The following FMO2 variants were observed in gnomAD, a reference collection of about 807,000 sequenced individuals.
The protein encoded by FMO2 is flavin containing dimethylaniline monoxygenase 2.
In FMO2, 33 loss-of-function variants were observed where a neutral mutation model predicts 41.6. The ratio of observed to expected loss-of-function variants is 0.79; its 90% CI spans 0.60 to 1.06. FMO2 has a LOEUF of 1.06. Ranked by LOEUF, FMO2 falls within the 50% of genes least tolerant of loss-of-function variation. FMO2 has a pLI of 0.00. For synonymous variants in FMO2, 214 were observed against 219.6 expected, an observed-to-expected ratio of 0.97 and a Z score of 0.23; for missense variants, 619 against 632.9, an observed-to-expected ratio of 0.98 and a Z score of 0.23.
At position 171,209,207 on chromosome 1, in the gene FMO2, A is replaced by T; in HGVS notation, c.*62A>T. On this transcript the variant is annotated 3_prime_UTR_variant, in exon 9 of 9. Transcript: ENST00000209929. ...CACTACCTCCTAAAGAAAAAAAAAA[A>T]GGCTAGAAGAAAAAACATTACATTC... 1 of 420,342 alleles carries T rather than the reference A, an allele frequency of 2.4e-6. No homozygotes were observed. Among genetic ancestry groups the T allele is most frequent in the East Asian group, 3.5e-5 (1 of 28,908 alleles). 26.0% of individuals were successfully genotyped at this position (420,342 alleles called of 1,614,324 possible).
chr1:171,188,678 A>G (rs1222259816), intron 2 of FMO2, among the ~76,000 whole-genome samples: 1 of 152,182 alleles, frequency 6.6e-6, no homozygotes, highest in East Asian at 1.9e-4. Flanking sequence ...TCTACCATCC[A>G]GAAGCAATTT....
intron 2 of FMO2, among the ~76,000 whole-genome samples, chr1:171,191,785 G>T (rs1168461763): frequency 1.3e-5 from 2 of 150,914 alleles, no homozygotes; most frequent in Non-Finnish European, 2.9e-5. Flanking sequence ...GCACTTTAGG[G>T]TGTTGAGGTG....
rs1659020737 is a variant in FMO2 at position 171,212,489 on chromosome 1, G to A, written c.*3344G>A. Among the ~76,000 whole-genome samples, 1 of 152,070 alleles carries A rather than the reference G, an allele frequency of 6.6e-6. No homozygotes were observed. Among genetic ancestry groups the A allele is most frequent in the Admixed American group, 6.5e-5 (1 of 15,268 alleles). ...TTTTCCAAAATCTCTCCTTGTGATG[G>A]CTCCCTTTACTAACCTTTCTTTTAG... On this transcript the variant is annotated 3_prime_UTR_variant, in exon 9 of 9. Transcript: ENST00000209929.
At chr1:171,205,140 C>G in intron 6 of FMO2, 139 bp from the exon 7 acceptor site, 2 of 566,768 alleles carry the variant, frequency 3.5e-6, no homozygotes, top group South Asian at 2.7e-5. Flanking sequence ...AGGATTTGCA[C>G]AGACAACCAG....
At chr1:171,187,989 A>G (rs1459764083) in intron 2 of FMO2, among the ~76,000 whole-genome samples, 1 of 132,152 alleles carries the variant, frequency 7.6e-6, no homozygotes, top group Admixed American at 7.7e-5. Context: ...AACCAAAGAT[A>G]TTTTTGTCCA....
At chr1:171,200,608 T>C (rs1172726971) in intron 5 of FMO2, among the ~76,000 whole-genome samples, 2 of 152,150 alleles carry the variant, frequency 1.3e-5, no homozygotes, top group African/African-American at 4.8e-5. Flanking sequence ...AGCAGGTTAA[T>C]GAAGGGGTTA....
intron 2 of FMO2, among the ~76,000 whole-genome samples, chr1:171,188,061 A>G (rs1301436189): frequency 2.0e-4 from 23 of 113,610 alleles, no homozygotes; most frequent in Non-Finnish European, 3.5e-5. Context: ...TTTTGCTCCC[A>G]GGTAGATTCT....
chr1:171,204,066 TAG>T lies in FMO2; in HGVS notation c.827+5_827+6del. 3 of 1,611,846 alleles carry T rather than the reference TAG, an allele frequency of 1.9e-6. No individual in the cohort carries two copies. Among genetic ancestry groups the T allele is most frequent in the Non-Finnish European group, 2.5e-6 (3 of 1,178,216 alleles). ...TTATGGCCTTGAGCCTCAAAACAAG[TAG>T]AGTTATTTTGCTTTTTTAATGGTAT... On this transcript the variant is annotated splice_donor_region_variant and intron_variant, in intron 6 of 8. Transcript: ENST00000209929.
In FMO2 at chr1:171,196,678, AG is replaced by A. The variant is rs771406074; in HGVS notation, c.352del (p.Asp118IlefsTer40). On this transcript the variant is annotated frameshift_variant, in exon 4 of 9. Coordinates refer to ENST00000209929, the MANE Select transcript of FMO2 (RefSeq NM_001460.5). LOFTEE classifies it high-confidence loss of function. Reference protein sequence around the residue: ...TTVLSVRKCPDFSSSGQWKVV... With the variant: ...TTVLSVRKCPXFSSSGQWKVV... ...CTGTCCTTAGTGTGAGAAAATGTCCAGATTTCTCATCCTCTGGCCAATGGAA... is the reference window on the plus strand; with the variant it reads ...CTGTCCTTAGTGTGAGAAAATGTCCAATTTCTCATCCTCTGGCCAATGGAA... 1.6e-5 allele frequency: 26 copies of A among 1,613,202 alleles called. No homozygotes were observed. Among genetic ancestry groups the A allele is most frequent in the Middle Eastern group, 1.8e-4 (1 of 5,610 alleles).
chr1:171,189,202 T>C (rs1278354551), intron 2 of FMO2, among the ~76,000 whole-genome samples: 2 of 139,606 alleles, frequency 1.4e-5, no homozygotes, highest in East Asian at 4.7e-4. Context: ...ACGTGGGAGT[T>C]ACCATGTACA....
At chr1:171,192,575 C>T (rs965555509) in intron 2 of FMO2, among the ~76,000 whole-genome samples, 1 of 151,846 alleles carries the variant, frequency 6.6e-6, no homozygotes, top group Admixed American at 6.6e-5. Context: ...TTCTGGTTAA[C>T]ACAGTGAAAC....
chr1:171,187,422 T>A (rs1391055412), intron 2 of FMO2, among the ~76,000 whole-genome samples: 1 of 152,116 alleles, frequency 6.6e-6, no homozygotes, highest in Admixed American at 6.5e-5. Context: ...TCAGTTCAAA[T>A]TGAATCTCAT....
intron 8 of FMO2, among the ~76,000 whole-genome samples, chr1:171,208,448 C>A (rs1417791674): frequency 6.6e-6 from 1 of 152,154 alleles, no homozygotes; most frequent in African/African-American, 2.4e-5. Context: ...AGCAAGACAC[C>A]AAGCTATGCT....
intron 4 of FMO2, among the ~76,000 whole-genome samples, chr1:171,198,032 G>A (rs1413987958): frequency 6.6e-6 from 1 of 152,210 alleles, no homozygotes; most frequent in Non-Finnish European, 1.5e-5. Flanking sequence ...TCTGGCATGA[G>A]GCTGAGAATT....
rs554189594 is a variant in FMO2, at chr1:171,205,222, G to T, written c.828-57G>T. The T allele has an allele frequency of 4.6e-6, 5 of 1,085,744 alleles. No homozygotes were observed. The East Asian group carries it at 7.3e-5, about 16-fold the overall frequency. 67.3% of individuals were successfully genotyped at this position (1,085,744 alleles called of 1,614,324 possible). ...AGCCGTACCCCAAAAATATCAAGAGGGTTCAAGATTCCTCAGCAAATGATC... is the reference window on the plus strand; with the variant it reads ...AGCCGTACCCCAAAAATATCAAGAGTGTTCAAGATTCCTCAGCAAATGATC... On this transcript the variant is annotated intron_variant, in intron 6 of 8. Coordinates refer to ENST00000209929, the MANE Select transcript of FMO2 (RefSeq NM_001460.5).
chr1:171,206,390 T>A (rs1557984354), intron 7 of FMO2, among the ~76,000 whole-genome samples: 1 of 152,098 alleles, frequency 6.6e-6, no homozygotes, highest in African/African-American at 2.4e-5. Context: ...AACAAAAGCA[T>A]AGAGTCAATG....
chr1:171,185,490 G>T, intron 1 of FMO2, 131 bp downstream of exon 1: 4 of 436,274 alleles, frequency 9.2e-6, no homozygotes, highest in East Asian at 3.8e-5. Flanking sequence ...AAATATTAAA[G>T]CTAGATGTAA....
Position 171,196,858 on chromosome 1 carries a change from A to C in FMO2, c.484+47A>C, listed in dbSNP as rs371114657. The C allele has an allele frequency of 5.8e-6, 9 of 1,565,004 alleles. No individual in the cohort carries two copies. In the African/African-American group the frequency reaches 6.8e-5, roughly 12 times the overall value. On this transcript the variant is annotated intron_variant, in intron 4 of 8. Coordinates refer to ENST00000209929, the MANE Select transcript of FMO2 (RefSeq NM_001460.5). ...AGCTTTTTGGAGTAGGTTTCCAGGTACTTTATATGTAGTTTGGATTGACAA... is the reference window on the plus strand; with the variant it reads ...AGCTTTTTGGAGTAGGTTTCCAGGTCCTTTATATGTAGTTTGGATTGACAA...
intron 5 of FMO2, among the ~76,000 whole-genome samples, chr1:171,203,323 TCACACACACACACACA>T (rs10628039): frequency 1.7e-4 from 24 of 144,058 alleles, no homozygotes; most frequent in African/African-American, 5.8e-4. Flanking sequence ...AGACCCTGTC[TCACACACACACACACA>T]CACACACACA....
Sources: gnomAD v4.1 joint callset for allele counts (sites outside exome capture counted in the v4.1 genomes callset) on GRCh38, gnomAD v4.1.1 for gene constraint, MANE v1.5 for transcripts, NCBI Gene and HGNC (gene_info 2026-07-23, HGNC 2026-07-21) for gene names.